The following EXOC4 variants were observed in gnomAD, a reference collection of about 807,000 sequenced individuals.
EXOC4 encodes the protein exocyst complex component 4.
Under a neutral mutation model 107.2 loss-of-function variants are expected in EXOC4, and 71 were observed. The ratio of observed to expected loss-of-function variants is 0.66; its 90% CI spans 0.55 to 0.81. The LOEUF (loss-of-function observed/expected upper bound fraction) is 0.81, where lower values mean the gene tolerates loss of function less well. Among genes scored for constraint, EXOC4 ranks in the 30% least tolerant of loss-of-function variants. The pLI is 0.00. For missense variants in EXOC4, 1,108 were observed against 1,189.6 expected, an observed-to-expected ratio of 0.93 and a Z score of 1.01; for synonymous variants, 456 against 441.2, an observed-to-expected ratio of 1.03 and a Z score of -0.42.
intron 10 of EXOC4, among the ~76,000 whole-genome samples, chr7:133,753,789 C>T (rs915095297): frequency 9.2e-5 from 14 of 152,050 alleles, no homozygotes; most frequent in African/African-American, 3.4e-4. Flanking sequence ...AAGGGTGGGG[C>T]GAGGCTGGAG....
intron 10 of EXOC4, among the ~76,000 whole-genome samples, chr7:133,708,924 T>A (rs981507794): frequency 2.6e-5 from 4 of 152,228 alleles, no homozygotes; most frequent in African/African-American, 9.6e-5. Context: ...TTTATAGGAA[T>A]CCCTTACCAA....
At chr7:133,396,583 A>C (rs1023791465) in intron 7 of EXOC4, among the ~76,000 whole-genome samples, 20 of 152,332 alleles carry the variant, frequency 1.3e-4, no homozygotes, top group African/African-American at 3.6e-4. Flanking sequence ...GTTGAGTGGC[A>C]AGTTGGGTGC....
the EXOC4 span, among the ~76,000 whole-genome samples, chr7:134,097,610 G>A: frequency 6.6e-6 from 1 of 152,130 alleles, no homozygotes; most frequent in Non-Finnish European, 1.5e-5. Flanking sequence ...ACAACCGTCT[G>A]GGTGACCCAA....
In EXOC4 at chr7:133,521,391, C is replaced by G. The variant is rs1003422442; in HGVS notation, c.1417+41253C>G. On this transcript the variant is annotated intron_variant, in intron 9 of 17. Coordinates refer to ENST00000253861, the MANE Select transcript of EXOC4 (RefSeq NM_021807.4). ...CGTCTTATCTACTTAAAAATACGTT[C>G]TTTTAAACAATAAAAGTGGCTCTAT... Among the ~76,000 whole-genome samples the G allele has an allele frequency of 3.9e-5, 6 of 152,080 alleles. No individual in the cohort carries two copies. The South Asian group carries it at 1.2e-3, about 31-fold the overall frequency.
chr7:133,295,547 G>C (rs941942374), intron 3 of EXOC4, among the ~76,000 whole-genome samples: 15 of 152,112 alleles, frequency 9.9e-5, no homozygotes, highest in Admixed American at 3.3e-4. Context: ...ATAAAAGCCA[G>C]ATCAGTACTG....
intron 10 of EXOC4, among the ~76,000 whole-genome samples, chr7:133,651,841 C>T (rs1803162407): frequency 6.6e-6 from 1 of 152,096 alleles, no homozygotes; most frequent in South Asian, 2.1e-4. Context: ...TGCACGACCA[C>T]ACCTGGCTAA....
At chr7:133,988,686 A>G (rs1483077030) in intron 14 of EXOC4, among the ~76,000 whole-genome samples, 1 of 152,176 alleles carries the variant, frequency 6.6e-6, no homozygotes, top group African/African-American at 2.4e-5. Flanking sequence ...TAGTTTTGAA[A>G]GAGGAGTAAG....
At chr7:133,522,661 C>A (rs1357177747) in intron 9 of EXOC4, among the ~76,000 whole-genome samples, 3 of 152,000 alleles carry the variant, frequency 2.0e-5, no homozygotes, top group Admixed American at 2.0e-4. Flanking sequence ...TTGAAAAAAC[C>A]AGGATGGCAT....
At chr7:133,364,550 A>G (rs1189979886) in intron 6 of EXOC4, among the ~76,000 whole-genome samples, 2 of 152,170 alleles carry the variant, frequency 1.3e-5, no homozygotes, top group Non-Finnish European at 2.9e-5. Context: ...CCACATCACC[A>G]GTGTCACTAG....
At chr7:133,465,630 T>C (rs1035759249) in intron 7 of EXOC4, among the ~76,000 whole-genome samples, 1 of 152,214 alleles carries the variant, frequency 6.6e-6, no homozygotes, top group Admixed American at 6.5e-5. Context: ...TGTGAGTCTA[T>C]ATGCTAGATC....
rs187253258 is a variant in EXOC4, at chr7:134,003,180, G to A, written c.2349-1732G>A. Among the ~76,000 whole-genome samples the A allele has an allele frequency of 1.2e-3, 177 of 152,282 alleles. 2 individuals carry two copies. Among genetic ancestry groups the A allele is most frequent in the Non-Finnish European group, 1.2e-3 (80 of 68,014 alleles). ...GTGAATATCAAATGCTTTGTGCTAA[G>A]TGAAAAAGCCAAACTCAAAAGGCTA... On this transcript the variant is annotated intron_variant, in intron 15 of 17. Coordinates refer to ENST00000253861, the MANE Select transcript of EXOC4 (RefSeq NM_021807.4).
chr7:134,025,963 A>G (rs1795129433), intron 17 of EXOC4, among the ~76,000 whole-genome samples: 2 of 152,188 alleles, frequency 1.3e-5, no homozygotes, highest in Admixed American at 6.5e-5. Context: ...AGTCACCACT[A>G]TACTTAAACT....
chr7:133,466,998 C>G (rs1798745461), intron 7 of EXOC4, among the ~76,000 whole-genome samples: 1 of 152,104 alleles, frequency 6.6e-6, no homozygotes, highest in Admixed American at 6.5e-5. Flanking sequence ...CATCAAGGAA[C>G]TTTTTGACCT....
intron 9 of EXOC4, among the ~76,000 whole-genome samples, chr7:133,583,388 G>C (rs1801324124): frequency 6.6e-6 from 1 of 152,160 alleles, no homozygotes; most frequent in African/African-American, 2.4e-5. Flanking sequence ...TGGTCTAGCT[G>C]GAGGACAGTT....
At chr7:133,461,496 A>T (rs1361996547) in intron 7 of EXOC4, among the ~76,000 whole-genome samples, 1 of 152,228 alleles carries the variant, frequency 6.6e-6, no homozygotes, top group African/African-American at 2.4e-5. Context: ...TTACAGATAA[A>T]CAATATAAAA....
At chr7:133,690,225 C>A (rs1585081130) in intron 10 of EXOC4, among the ~76,000 whole-genome samples, 1 of 152,138 alleles carries the variant, frequency 6.6e-6, no homozygotes, top group African/African-American at 2.4e-5. Context: ...AACCAATAGC[C>A]TCCTGTAAAT....
chr7:133,916,214 G>T (rs1048488305), intron 12 of EXOC4, among the ~76,000 whole-genome samples: 1 of 152,200 alleles, frequency 6.6e-6, no homozygotes, highest in Non-Finnish European at 1.5e-5. Flanking sequence ...TAGAATTTGC[G>T]CTCCTGTGAG....
chr7:133,266,219 G>A (rs957902388), intron 1 of EXOC4, among the ~76,000 whole-genome samples: 8 of 152,072 alleles, frequency 5.3e-5, no homozygotes, highest in African/African-American at 1.9e-4. Flanking sequence ...TGTGGAGAGG[G>A]CTTCTCCTTC....
chr7:133,497,777 G>A (rs764407274), intron 9 of EXOC4, among the ~76,000 whole-genome samples: 10 of 152,016 alleles, frequency 6.6e-5, no homozygotes, highest in African/African-American at 1.4e-4. Context: ...CTGGTCTCCC[G>A]CGTGACAGGC....
Sources: gnomAD v4.1 joint callset for allele counts (sites outside exome capture counted in the v4.1 genomes callset) on GRCh38, gnomAD v4.1.1 for gene constraint, MANE v1.5 for transcripts, NCBI Gene and HGNC (gene_info 2026-07-23, HGNC 2026-07-21) for gene names.